GRK5: variants seen among roughly 807,000 people sequenced by gnomAD.
GRK5 encodes the protein g protein-coupled receptor kinase GRK5.
Under a neutral mutation model 78.4 loss-of-function variants are expected in GRK5, and 40 were observed. The ratio of observed to expected loss-of-function variants is 0.51; its 90% CI spans 0.40 to 0.66. The LOEUF (loss-of-function observed/expected upper bound fraction) is 0.66, where lower values mean the gene tolerates loss of function less well. Among genes scored for constraint, GRK5 ranks in the 30% least tolerant of loss-of-function variants. The pLI is 0.00. For missense variants in GRK5, 598 were observed against 759.9 expected (o/e 0.79, Z 2.50); for synonymous variants, 289 against 296.8 (o/e 0.97, Z 0.27).
chr10:119,303,853 G>A (rs1850227979), intron 1 of GRK5, among the ~76,000 whole-genome samples: 1 of 152,050 alleles, frequency 6.6e-6, no homozygotes, highest in Non-Finnish European at 1.5e-5. Context: ...GGGAGGGAAA[G>A]TGAAGGACCC....
intron 4 of GRK5, among the ~76,000 whole-genome samples, chr10:119,401,342 T>C (rs566661062): frequency 1.1e-4 from 16 of 152,346 alleles, no homozygotes; most frequent in African/African-American, 3.6e-4. Context: ...CCGTAGACCC[T>C]GCCTCGAATC....
chr10:119,267,332 C>T lies in GRK5; in HGVS notation c.53-59184C>T, dbSNP rs1483248219. On this transcript the variant is annotated intron_variant, in intron 1 of 15. Transcript: ENST00000392870. This position sits in a 1 kb window ranked among gnomAD's most constrained non-coding sequence, Gnocchi z 4.1. ...TCCCTGCTTTAAGCGATCTTCCCAC[C>T]TTGGCCTCCCAAAGTGTGGGATTAC... 6.6e-6 allele frequency among the ~76,000 whole-genome samples: 1 copy of T among 152,226 alleles called. No homozygotes were observed. Among genetic ancestry groups the T allele is most frequent in the African/African-American group, 2.4e-5 (1 of 41,462 alleles).
chr10:119,419,447 G>A (rs184896001), intron 4 of GRK5, among the ~76,000 whole-genome samples: 24 of 152,354 alleles, frequency 1.6e-4, no homozygotes, highest in Non-Finnish European at 2.9e-4. Flanking sequence ...AGTTTCAGAC[G>A]CAATGGCCAG....
intron 12 of GRK5, among the ~76,000 whole-genome samples, chr10:119,446,425 A>C (rs562609494): frequency 3.5e-4 from 54 of 152,280 alleles, no homozygotes; most frequent in African/African-American, 1.2e-3. Flanking sequence ...CTGCCGTCCC[A>C]CCTGGCAGGA....
At chr10:119,334,934 G>A (rs1850848987) in intron 2 of GRK5, 1 of 152,126 alleles carries the variant, frequency 6.6e-6, no homozygotes, top group African/African-American at 2.4e-5. Context: ...TTGTGGGAGA[G>A]CCTCTTGCCA....
chr10:119,332,803 C>T (rs1327711660), intron 2 of GRK5, among the ~76,000 whole-genome samples: 1 of 152,236 alleles, frequency 6.6e-6, no homozygotes, highest in Non-Finnish European at 1.5e-5. Flanking sequence ...CACCTGTTCT[C>T]TCTACCCGGA....
At chr10:119,236,079 G>A (rs775976583) in intron 1 of GRK5, among the ~76,000 whole-genome samples, 7 of 152,186 alleles carry the variant, frequency 4.6e-5, no homozygotes, top group Non-Finnish European at 1.0e-4. Flanking sequence ...GTGCCAAATA[G>A]TGCCAGGGCC....
At chr10:119,258,857 T>C (rs1849327002) in intron 1 of GRK5, among the ~76,000 whole-genome samples, 1 of 152,156 alleles carries the variant, frequency 6.6e-6, no homozygotes, top group Non-Finnish European at 1.5e-5. Context: ...TGTCAGTTAT[T>C]GACTGAGGGC....
intron 11 of GRK5, among the ~76,000 whole-genome samples, chr10:119,442,310 C>T (rs561094746): frequency 7.0e-4 from 107 of 152,346 alleles, no homozygotes; most frequent in African/African-American, 2.4e-3. Context: ...TCTCTGCACT[C>T]CCAGGCCCCC....
chr10:119,400,455 C>T (rs1852130893), intron 4 of GRK5, among the ~76,000 whole-genome samples: 1 of 152,188 alleles, frequency 6.6e-6, no homozygotes, highest in African/African-American at 2.4e-5. Flanking sequence ...GTGCTCCTAG[C>T]ATCTGATGCG....
Position 119,238,550 on chromosome 10 carries a change from T to C in GRK5, c.52+30581T>C, listed in dbSNP as rs1213088428. Among the ~76,000 whole-genome samples, 1 of 152,182 alleles carries C rather than the reference T, an allele frequency of 6.6e-6. No individual in the cohort carries two copies. The highest frequency in any genetic ancestry group is 1.9e-4 in the East Asian group (1 of 5,196). On this transcript the variant is annotated intron_variant, in intron 1 of 15. Coordinates refer to ENST00000392870, the MANE Select transcript of GRK5 (RefSeq NM_005308.3). This position sits in a 1 kb window ranked among gnomAD's most constrained non-coding sequence, Gnocchi z 4.7. Reference sequence around the variant, plus strand: ...ATTATTGCTAGAAATAAAGCATCCCTGGATCCTTTGGCTTCTTGGACAATA... The same window carrying C: ...ATTATTGCTAGAAATAAAGCATCCCCGGATCCTTTGGCTTCTTGGACAATA...
intron 2 of GRK5, among the ~76,000 whole-genome samples, chr10:119,370,955 C>A (rs1851536165): frequency 7.5e-6 from 1 of 132,908 alleles, no homozygotes; most frequent in South Asian, 2.8e-4. Context: ...CCTTTGGACA[C>A]CCCCCTCCTT....
At chr10:119,405,147 C>T (rs1316866099) in intron 4 of GRK5, among the ~76,000 whole-genome samples, 1 of 152,110 alleles carries the variant, frequency 6.6e-6, no homozygotes, top group Non-Finnish European at 1.5e-5. Flanking sequence ...AGCTCAAACC[C>T]AGTCCTGGTC....
At chr10:119,362,311 T>G (rs2133811106) in intron 2 of GRK5, among the ~76,000 whole-genome samples, 1 of 152,338 alleles carries the variant, frequency 6.6e-6, no homozygotes, top group South Asian at 2.1e-4. Flanking sequence ...GGATCACCCT[T>G]TGCCTGTGCC....
chr10:119,274,401 G>A (rs560435324), intron 1 of GRK5, among the ~76,000 whole-genome samples: 1 of 152,374 alleles, frequency 6.6e-6, no homozygotes, highest in South Asian at 2.1e-4. Context: ...GGCGAGAGGC[G>A]TACAGAGGGA....
chr10:119,394,789 ATGTT>A lies in GRK5; in HGVS notation c.262-1903_262-1900del, dbSNP rs1382276482. 7.0e-5 allele frequency among the ~76,000 whole-genome samples: 5 copies of A among 71,908 alleles called. No homozygotes were observed. The East Asian group carries it at 1.7e-3, about 24-fold the overall frequency. 47.2% of individuals were successfully genotyped at this position (71,908 alleles called of 152,430 possible). On this transcript the variant is annotated intron_variant, in intron 3 of 15. Transcript: ENST00000392870. The stretch of plus-strand genomic sequence containing the variant: ...TATCTGTGTGTGTGTGGGCACGTGT[ATGTT>A]TGGGTGTGTGGGTGTGTGTGTGGGT...
intron 4 of GRK5, chr10:119,406,306 A>G: frequency 5.3e-6 from 1 of 190,112 alleles, no homozygotes; most frequent in Non-Finnish European, 9.7e-6. Context: ...TAGAGACAGC[A>G]TGACCTAGGG....
intron 2 of GRK5, among the ~76,000 whole-genome samples, chr10:119,374,490 T>TG (rs1851594159): frequency 6.6e-6 from 1 of 152,154 alleles, no homozygotes; most frequent in Non-Finnish European, 1.5e-5. Context: ...TGCCCTCTGT[T>TG]GGTTGACGTA....
intron 1 of GRK5, among the ~76,000 whole-genome samples, chr10:119,233,442 T>A (rs576823765): frequency 6.6e-6 from 1 of 152,108 alleles, no homozygotes; most frequent in East Asian, 1.9e-4. Context: ...AACTTGGAGC[T>A]CTTGGTGGCC....
Sources: allele counts gnomAD v4.1 joint callset (sites outside exome capture counted in the v4.1 genomes callset), GRCh38; gene constraint gnomAD v4.1.1; non-coding constraint Gnocchi (gnomAD v3.1); transcripts MANE v1.5; gene names NCBI Gene and HGNC (gene_info 2026-07-23, HGNC 2026-07-21).